ATG10: variants seen among roughly 807,000 people sequenced by gnomAD.
ATG10 encodes ubiquitin-like-conjugating enzyme ATG10.
In ATG10, 30 loss-of-function variants were observed where a neutral mutation model predicts 32.1. The observed-to-expected ratio is 0.94, with a 90% CI of 0.70 to 1.27. The LOEUF (loss-of-function observed/expected upper bound fraction) is 1.27, where lower values mean the gene tolerates loss of function less well. ATG10 is among the 50% of genes most tolerant of loss of function. The probability of loss-of-function intolerance (pLI) is 0.00; values close to 1 mark genes in which losing one functional copy is unlikely to be tolerated. For synonymous variants in ATG10, 87 were observed against 91.5 expected (o/e 0.95, Z 0.28); for missense variants, 233 against 262.3 (o/e 0.89, Z 0.77).
At chr5:82,025,018 TAGTC>T (rs1180985220) in intron 2 of ATG10, among the ~76,000 whole-genome samples, 1 of 152,194 alleles carries the variant, frequency 6.6e-6, no homozygotes, top group Non-Finnish European at 1.5e-5. Flanking sequence ...TAATGTAAGA[TAGTC>T]AGGAACTTTG....
At position 81,986,597 on chromosome 5, in the gene ATG10, G is replaced by T. The variant is rs77190010; in HGVS notation, c.-12-962G>T. Among the ~76,000 whole-genome samples, 822 of 151,968 alleles carry T rather than the reference G, an allele frequency of 5.4e-3. 5 individuals carry two copies. The highest frequency in any genetic ancestry group is 0.019 in the African/African-American group (789 of 41,428). ...AATTTGAATAATCAGAAATGACACT[G>T]GTTTAGGAATTATCTAGTATAGACA... On this transcript the variant is annotated intron_variant, in intron 1 of 7. Coordinates refer to ENST00000282185, the MANE Select transcript of ATG10 (RefSeq NM_031482.5).
intron 2 of ATG10, among the ~76,000 whole-genome samples, chr5:82,050,660 A>G (rs1004291084): frequency 9.2e-5 from 14 of 151,814 alleles, no homozygotes; most frequent in Admixed American, 5.3e-4. Flanking sequence ...AGGTGGTATA[A>G]TCCTCTGTCA....
intron 3 of ATG10, among the ~76,000 whole-genome samples, chr5:82,107,804 A>G (rs1337879067): frequency 1.3e-5 from 2 of 152,134 alleles, no homozygotes; most frequent in Non-Finnish European, 2.9e-5. Context: ...TCTGTTTACA[A>G]TGCAGAAGGA....
chr5:82,010,107 C>G, intron 2 of ATG10: 1 of 1,586,570 alleles, frequency 6.3e-7, no homozygotes, highest in Non-Finnish European at 8.7e-7. Flanking sequence ...TAATAGTACA[C>G]AGTTTTCCTC....
At chr5:81,991,317 TA>T (rs977460912) in intron 2 of ATG10, among the ~76,000 whole-genome samples, 2 of 152,228 alleles carry the variant, frequency 1.3e-5, no homozygotes, top group African/African-American at 4.8e-5. Context: ...CTCAGAAATT[TA>T]TTTTTTTTTA....
chr5:82,089,342 C>CA (rs111488674), intron 3 of ATG10, among the ~76,000 whole-genome samples: 29,957 of 141,482 alleles, frequency 0.21, 3,236 homozygotes, highest in Middle Eastern at 0.3. Flanking sequence ...AACTCTGTCT[C>CA]AAAAAAAAAA....
intron 5 of ATG10, among the ~76,000 whole-genome samples, chr5:82,243,725 A>G (rs1456789402): frequency 6.6e-6 from 1 of 152,156 alleles, no homozygotes; most frequent in Non-Finnish European, 1.5e-5. Context: ...GGAGATTTAA[A>G]TTTCTCTTAG....
At chr5:82,068,405 G>A (rs923318824) in intron 3 of ATG10, among the ~76,000 whole-genome samples, 1 of 152,060 alleles carries the variant, frequency 6.6e-6, no homozygotes, top group African/African-American at 2.4e-5. Flanking sequence ...TCATAGGATT[G>A]GGGGAGAGGG....
Position 82,026,911 on chromosome 5 carries a change from T to C in ATG10, c.109-31584T>C, listed in dbSNP as rs6881560. 5.3e-3 allele frequency among the ~76,000 whole-genome samples: 801 copies of C among 151,526 alleles called. 5 individuals are homozygous for C. Among genetic ancestry groups the C allele is most frequent in the African/African-American group, 0.016 (650 of 41,290 alleles). On this transcript the variant is annotated intron_variant, in intron 2 of 7. Coordinates refer to ENST00000282185, the MANE Select transcript of ATG10 (RefSeq NM_031482.5). ...CTGTCCCTACTAAAAATACAAAAAT[T>C]AGCCGAGCATGGTGGTGGGTACCTG...
At chr5:82,037,546 C>T (rs913127498) in intron 2 of ATG10, among the ~76,000 whole-genome samples, 18 of 152,152 alleles carry the variant, frequency 1.2e-4, no homozygotes, top group African/African-American at 2.9e-4. Flanking sequence ...CGCGCCCGGC[C>T]CCATTTACTT....
chr5:82,083,015 C>T (rs976228686), intron 3 of ATG10, among the ~76,000 whole-genome samples: 1 of 152,126 alleles, frequency 6.6e-6, no homozygotes, highest in Admixed American at 6.5e-5. Flanking sequence ...GGGTGCAGCC[C>T]ATGGAGCAGG....
intron 2 of ATG10, among the ~76,000 whole-genome samples, chr5:81,991,013 G>A (rs75679752): frequency 0.097 from 14,781 of 152,312 alleles, 955 homozygotes; most frequent in South Asian, 0.22. Flanking sequence ...CTCTGGGATT[G>A]GGTGTCTGTC....
At chr5:82,199,350 G>C (rs1197993761) in intron 5 of ATG10, among the ~76,000 whole-genome samples, 1 of 151,984 alleles carries the variant, frequency 6.6e-6, no homozygotes, top group Admixed American at 6.6e-5. Context: ...CAGCTAACTA[G>C]ACTTGCGAGT....
At chr5:82,004,497 G>A (rs1761935770) in intron 2 of ATG10, among the ~76,000 whole-genome samples, 1 of 152,140 alleles carries the variant, frequency 6.6e-6, no homozygotes, top group Non-Finnish European at 1.5e-5. Flanking sequence ...TGAATCTAAA[G>A]GACACCTGAC....
chr5:82,099,328 A>T (rs919811170), intron 3 of ATG10, among the ~76,000 whole-genome samples: 2 of 152,166 alleles, frequency 1.3e-5, no homozygotes, highest in Admixed American at 1.3e-4. Context: ...TAATTATTGA[A>T]TAATTTTAGT....
At chr5:81,993,075 A>C (rs539196186) in intron 2 of ATG10, among the ~76,000 whole-genome samples, 18 of 152,272 alleles carry the variant, frequency 1.2e-4, no homozygotes, top group African/African-American at 4.1e-4. Context: ...GATATTAAAG[A>C]TAGTGGTTAA....
chr5:82,087,709 C>G (rs951911212), intron 3 of ATG10, among the ~76,000 whole-genome samples: 1 of 152,098 alleles, frequency 6.6e-6, no homozygotes, highest in African/African-American at 2.4e-5. Context: ...AAATACTTTG[C>G]CTTCCTCTGG....
Position 82,252,673 on chromosome 5 carries a change from T to C in ATG10, c.551+14T>C, listed in dbSNP as rs755093497. On this transcript the variant is annotated intron_variant, in intron 6 of 7. Transcript: ENST00000282185. ...GAAAATCAATAAGTAAGAAACACCA[T>C]CAAGATACATTGGCTTCTACTCTGA... 18 of 1,443,644 alleles carry C rather than the reference T, an allele frequency of 1.2e-5. No homozygotes were observed. The highest frequency in any genetic ancestry group is 1.7e-5 in the Non-Finnish European group (18 of 1,038,670). The allele number at this position is 1,443,644 out of a possible 1,614,324, so 89.4% of individuals were successfully genotyped here.
chr5:82,188,935 C>A (rs2149941598), intron 5 of ATG10, among the ~76,000 whole-genome samples: 1 of 152,214 alleles, frequency 6.6e-6, no homozygotes, highest in East Asian at 1.9e-4. Flanking sequence ...TGGTTCTCTC[C>A]CATGTCAGCT....
Sources: allele counts gnomAD v4.1 joint callset (sites outside exome capture counted in the v4.1 genomes callset), GRCh38; gene constraint gnomAD v4.1.1; transcripts MANE v1.5; gene names NCBI Gene and HGNC (gene_info 2026-07-23, HGNC 2026-07-21).